The following ECE1 variants were observed in gnomAD, a reference collection of about 807,000 sequenced individuals.
ECE1 encodes the protein endothelin-converting enzyme 1.
ECE1 carries 35 observed loss-of-function variants against 98.6 expected under a neutral mutation model. The observed-to-expected ratio is 0.35, with a 90% CI of 0.27 to 0.47. The LOEUF (loss-of-function observed/expected upper bound fraction) is 0.47. Ranked by LOEUF, ECE1 falls within the 20% of genes least tolerant of loss-of-function variation. ECE1 has a pLI of 1.00. For synonymous variants in ECE1, 394 were observed against 407.1 expected (o/e 0.97, Z 0.39); for missense variants, 814 against 1,025.3 (o/e 0.79, Z 2.81).
chr1:21,299,761 A>G (rs778561508), intron 1 of ECE1: 3 of 152,260 alleles, frequency 2.0e-5, no homozygotes, highest in Non-Finnish European at 4.4e-5. Context: ...AGATAAAACG[A>G]GTAACAAGAC....
Position 21,322,225 on chromosome 1 carries a change from G to A in ECE1, c.3+23151C>T, listed in dbSNP as rs566180612. 6.6e-6 allele frequency among the ~76,000 whole-genome samples: 1 copy of A among 152,286 alleles called. No homozygotes were observed. The highest frequency in any genetic ancestry group is 1.5e-5 in the Non-Finnish European group (1 of 68,016). ...CAAGGCGGCTTCTCAGTGAGATGGA[G>A]TGGGGATGGGGGTGTGGATAAAACC... On this transcript the variant is annotated intron_variant, in intron 1 of 18. Transcript: ENST00000415912. This position sits in a 1 kb window ranked among gnomAD's most constrained non-coding sequence, Gnocchi z 4.1.
At chr1:21,324,964 A>G (rs572224913) in intron 1 of ECE1, among the ~76,000 whole-genome samples, 15 of 152,258 alleles carry the variant, frequency 9.9e-5, no homozygotes. Flanking sequence ...AAGAAGGAGA[A>G]AAACAGTTCT....
chr1:21,316,751 G>C (rs1034131063), intron 1 of ECE1, among the ~76,000 whole-genome samples: 17 of 152,260 alleles, frequency 1.1e-4, no homozygotes, highest in African/African-American at 3.4e-4. Context: ...TCATGGGATG[G>C]AATACTACAC....
intron 1 of ECE1, among the ~76,000 whole-genome samples, chr1:21,333,212 C>G (rs191143342): frequency 1.1e-3 from 171 of 152,216 alleles, no homozygotes; most frequent in Admixed American, 2.2e-3. Flanking sequence ...TGGTAGGGAT[C>G]TGATGCAGAA....
intron 1 of ECE1, among the ~76,000 whole-genome samples, chr1:21,304,290 T>C (rs1191845583): frequency 2.5e-5 from 3 of 119,108 alleles, no homozygotes; most frequent in Non-Finnish European, 4.7e-5. Context: ...CACTCCAGCC[T>C]GGGCAACAGA....
chr1:21,289,560 A>T (rs1176547454), intron 2 of ECE1, among the ~76,000 whole-genome samples: 1 of 152,066 alleles, frequency 6.6e-6, no homozygotes, highest in Middle Eastern at 3.2e-3. Flanking sequence ...GCCCCAGGAA[A>T]CTCAGGTATT....
At position 21,260,366 on chromosome 1, in the gene ECE1, C is replaced by T; in HGVS notation, c.520G>A (p.Ala174Thr). ...LENSTASVSE[A>T]ERKAQVYYRA... ...TAGTATACTTGCGCCTTTCTCTCTG[C>T]CTCGCTCACGCTGGCCGTGGAGTTT... Residue 174 changes from alanine (A) to threonine (T), a missense_variant, in exon 5 of 19, where the codon GCA becomes ACA. Ala to Thr is a moderately conservative substitution (Grantham distance 58). Coordinates refer to ENST00000374893, the MANE Select transcript of ECE1 (RefSeq NM_001397.3). This position sits in a 1 kb window ranked among gnomAD's most constrained non-coding sequence, Gnocchi z 4.3. 1 of 1,614,256 alleles carries T rather than the reference C, an allele frequency of 6.2e-7. No homozygotes were observed. The highest frequency in any genetic ancestry group is 8.5e-7 in the Non-Finnish European group (1 of 1,180,056).
At chr1:21,317,569 G>A (rs982150969) in intron 1 of ECE1, among the ~76,000 whole-genome samples, 26 of 152,230 alleles carry the variant, frequency 1.7e-4, no homozygotes, top group Admixed American at 7.9e-4. Context: ...AGGCTGGCTG[G>A]AGCCCCTCTA....
intron 2 of ECE1, among the ~76,000 whole-genome samples, chr1:21,280,726 T>G (rs1324039959): frequency 6.6e-6 from 1 of 151,490 alleles, no homozygotes; most frequent in Non-Finnish European, 1.5e-5. Flanking sequence ...CCTGAGGGAG[T>G]CCCACCCTGG....
chr1:21,289,410 A>C (rs922444097), intron 2 of ECE1, among the ~76,000 whole-genome samples: 1 of 151,566 alleles, frequency 6.6e-6, no homozygotes, highest in Non-Finnish European at 1.5e-5. Flanking sequence ...TCCTGTTACA[A>C]GGCAGGGACG....
upstream of ECE1, among the ~76,000 whole-genome samples, chr1:21,291,003 G>A (rs1243101912): frequency 6.6e-6 from 1 of 152,124 alleles, no homozygotes; most frequent in Non-Finnish European, 1.5e-5. Context: ...TGGTCCGGTG[G>A]TCACCCCCGT....
chr1:21,302,568 T>C (rs1328773436), intron 1 of ECE1, among the ~76,000 whole-genome samples: 1 of 152,216 alleles, frequency 6.6e-6, no homozygotes, highest in Admixed American at 6.5e-5. Flanking sequence ...AGGATCTGGA[T>C]GTGTCTGCTG....
At chr1:21,255,541 G>A (rs539875397) in intron 8 of ECE1, among the ~76,000 whole-genome samples, 1 of 152,310 alleles carries the variant, frequency 6.6e-6, no homozygotes, top group South Asian at 2.1e-4. Context: ...ATCTGGCTCA[G>A]AAAAGGGAAA....
At chr1:21,335,881 G>C (rs575629961) in intron 1 of ECE1, among the ~76,000 whole-genome samples, 1 of 152,200 alleles carries the variant, frequency 6.6e-6, no homozygotes, top group African/African-American at 2.4e-5. Context: ...TGGAGGGGAA[G>C]GGACTTGCCT....
intron 4 of ECE1, among the ~76,000 whole-genome samples, chr1:21,269,889 C>T (rs1409425156): frequency 6.6e-6 from 1 of 152,204 alleles, no homozygotes; most frequent in Admixed American, 6.5e-5. Flanking sequence ...ACCTTGGCCT[C>T]GGGGTCAGGG....
At chr1:21,273,887 T>C (rs2098243451) in intron 3 of ECE1, among the ~76,000 whole-genome samples, 1 of 152,226 alleles carries the variant, frequency 6.6e-6, no homozygotes. Flanking sequence ...GCCAGAGCCC[T>C]GCCTCAAGGT....
At chr1:21,277,512 G>A (rs751868666) in intron 3 of ECE1, among the ~76,000 whole-genome samples, 1 of 152,144 alleles carries the variant, frequency 6.6e-6, no homozygotes, top group Non-Finnish European at 1.5e-5. Flanking sequence ...AGGCTGAGGC[G>A]ACATGGCAGT....
rs145560140 is a variant in ECE1 at position 21,325,919 on chromosome 1, G to A, written c.3+19457C>T. On this transcript the variant is annotated intron_variant, in intron 1 of 18. Transcript: ENST00000415912. ...GCCCCGGCTGCTCTCCGAAGCTGCC[G>A]GTGGCACTTTCGCCAGCCACCTTGT... Among the ~76,000 whole-genome samples, 61 of 152,218 alleles carry A rather than the reference G, an allele frequency of 4.0e-4. 1 individual carries two copies. The highest frequency in any genetic ancestry group is 1.2e-3 in the African/African-American group (50 of 41,548).
chr1:21,262,307 G>C (rs948049076), intron 4 of ECE1, among the ~76,000 whole-genome samples: 1 of 152,194 alleles, frequency 6.6e-6, no homozygotes, highest in Non-Finnish European at 1.5e-5. Context: ...CAGGCACCAC[G>C]GCAGCTCTGA....
Sources: gnomAD v4.1 joint callset for allele counts (sites outside exome capture counted in the v4.1 genomes callset) on GRCh38, gnomAD v4.1.1 for gene constraint, Gnocchi (gnomAD v3.1) non-coding constraint, MANE v1.5 for transcripts, NCBI Gene and HGNC (gene_info 2026-07-23, HGNC 2026-07-21) for gene names.